The following ITGB4 variants were observed in gnomAD, a reference collection of about 807,000 sequenced individuals.
ITGB4 encodes integrin subunit beta 4.
ITGB4 carries 159 observed loss-of-function variants against 207.6 expected under a neutral mutation model. That is an observed-to-expected ratio of 0.77 (90% CI 0.67 to 0.87). The LOEUF (loss-of-function observed/expected upper bound fraction) is 0.87, where lower values mean the gene tolerates loss of function less well. Ranked by LOEUF, ITGB4 falls within the 40% of genes least tolerant of loss-of-function variation. The pLI is 0.00. For missense variants in ITGB4, 2,278 were observed against 2,546.8 expected, an observed-to-expected ratio of 0.89 and a Z score of 2.27; for synonymous variants, 1,020 against 1,062.7, an observed-to-expected ratio of 0.96 and a Z score of 0.78.
intron 27 of ITGB4, 144 bp from the exon 28 acceptor site, chr17:75,749,967 C>A: frequency 9.7e-7 from 1 of 1,029,444 alleles, no homozygotes; most frequent in East Asian, 2.4e-5. Flanking sequence ...CAATGGGGCA[C>A]CACCAGGTCT....
At position 75,742,459 on chromosome 17, in the gene ITGB4, C is replaced by T; in HGVS notation, c.2752C>T (p.Pro918Ser). The change falls in exon 24 of 40, where the codon CCC (proline) becomes TCC (serine). Residue 918 changes from proline (P) to serine (S), a missense_variant. Physicochemically the swap from Pro to Ser is moderately conservative, Grantham distance 74. Coordinates refer to ENST00000200181, the MANE Select transcript of ITGB4 (RefSeq NM_000213.5). The surrounding 1 kb of genome is among the most constrained non-coding windows in gnomAD (Gnocchi z 5.9). ...GGCCTTCCACGACCTCAAGGTGGCCCCCGGCTACTACACCCTCACTGCAGA... is the reference window on the plus strand; with the variant it reads ...GGCCTTCCACGACCTCAAGGTGGCCTCCGGCTACTACACCCTCACTGCAGA... The part of the protein sequence containing the change: ...QRAFHDLKVA[P>S]GYYTLTADQD... The T allele has an allele frequency of 6.2e-7, 1 of 1,613,090 alleles. No individual in the cohort carries two copies. The highest frequency in any genetic ancestry group is 2.2e-5 in the East Asian group (1 of 44,854).
rs960020204 is a variant in ITGB4 at position 75,722,746 on chromosome 17, G to A, written c.-11+1134G>A. ...AGGGGAGCTCTGAGCCTGTGGGTGG[G>A]TGGGCATGGCCTGTGTGTGTGTGTG... On this transcript the variant is annotated intron_variant, in intron 1 of 39. Coordinates refer to ENST00000200181, the MANE Select transcript of ITGB4 (RefSeq NM_000213.5). This position sits in a 1 kb window ranked among gnomAD's most constrained non-coding sequence, Gnocchi z 6.2. Among the ~76,000 whole-genome samples the A allele has an allele frequency of 5.5e-5, 8 of 144,604 alleles. No individual in the cohort carries two copies. The highest frequency in any genetic ancestry group is 1.1e-4 in the Non-Finnish European group (7 of 66,044). The allele number at this position is 144,604 out of a possible 152,430, so 94.9% of individuals were successfully genotyped here. A position where few individuals can be genotyped will look rare whatever the true frequency, so the allele number is the denominator to read the frequency against.
At chr17:75,754,504 A>G in intron 33 of ITGB4, 72 bp from the exon 34 acceptor site, 1 of 1,599,192 alleles carries the variant, frequency 6.3e-7, no homozygotes, top group Non-Finnish European at 8.5e-7. Context: ...AGGAATGTGC[A>G]GGGCCCAGCC....
At chr17:75,741,084 C>T (rs1297908333) in intron 23 of ITGB4, 79 bp downstream of exon 23, 2 of 1,494,802 alleles carry the variant, frequency 1.3e-6, no homozygotes, top group African/African-American at 2.8e-5. Context: ...CTCGTCCGTC[C>T]CTACTCCATC....
At position 75,748,405 on chromosome 17, in the gene ITGB4, C is replaced by T. The variant is rs144105370; in HGVS notation, c.3112-436C>T. Among the ~76,000 whole-genome samples the T allele has an allele frequency of 1.6e-3, 236 of 150,876 alleles. 2 individuals carry two copies. Among genetic ancestry groups the T allele is most frequent in the African/African-American group, 5.6e-3 (230 of 40,996 alleles). ...AGAAACGTGGCTGGGCATGGTGGCT[C>T]ATGTCTGTAATCCCAGCACTTTGGG... On this transcript the variant is annotated intron_variant, in intron 26 of 39. Transcript: ENST00000200181.
rs1256806056 is a variant in ITGB4, at chr17:75,740,879, G to A, written c.2609+28G>A. The A allele has an allele frequency of 6.2e-7, 1 of 1,613,440 alleles. No homozygotes were observed. The highest frequency in any genetic ancestry group is 8.5e-7 in the Non-Finnish European group (1 of 1,179,860). On this transcript the variant is annotated intron_variant, in intron 22 of 39. Transcript: ENST00000200181. The surrounding 1 kb of genome is among the most constrained non-coding windows in gnomAD (Gnocchi z 5.9). Reference sequence around the variant, plus strand: ...GAGTCCCGGGGTGCCCGGGTTGGGTGGGGGAGCCGCTCCTACCGGGACTCC... The same window carrying A: ...GAGTCCCGGGGTGCCCGGGTTGGGTAGGGGAGCCGCTCCTACCGGGACTCC...
At chr17:75,748,353 C>T (rs1258551095) in intron 26 of ITGB4, among the ~76,000 whole-genome samples, 1 of 145,484 alleles carries the variant, frequency 6.9e-6, no homozygotes, top group African/African-American at 2.6e-5. Flanking sequence ...CAGAGTGAGA[C>T]CCTGTCTCAA....
chr17:75,724,760 C>T lies in ITGB4; in HGVS notation c.57C>T (p.Ser19=), dbSNP rs145773550. ...WARLLLAALI[S]VSLSGTLANR... ...GGCTGCTCCTGGCAGCCTTGATCAG[C>T]GTCAGCCTCTCTGGGACCTTGGGTG... The change falls in exon 2 of 40, where the codon AGC becomes AGT. Residue 19 remains serine (S), a synonymous_variant. Coordinates refer to ENST00000200181, the MANE Select transcript of ITGB4 (RefSeq NM_000213.5). The T allele has an allele frequency of 6.4e-5, 103 of 1,613,718 alleles. No homozygotes were observed. The African/African-American group carries it at 8.7e-4, about 14-fold the overall frequency.
At chr17:75,754,514 C>T (rs1010565124) in intron 33 of ITGB4, 62 bp from the exon 34 acceptor site, 1 of 1,608,660 alleles carries the variant, frequency 6.2e-7, no homozygotes, top group Non-Finnish European at 8.5e-7. Flanking sequence ...AGGGCCCAGC[C>T]TGCCCCACGG....
At chr17:75,744,593 C>A (rs2061194090) in intron 26 of ITGB4, among the ~76,000 whole-genome samples, 1 of 152,176 alleles carries the variant, frequency 6.6e-6, no homozygotes, top group Non-Finnish European at 1.5e-5. Context: ...CCCATGTCCC[C>A]AGGCCAGACT....
Position 75,729,487 on chromosome 17 carries a change from G to T in ITGB4, c.738+51G>T, listed in dbSNP as rs2060804936. 2 of 1,589,966 alleles carry T rather than the reference G, an allele frequency of 1.3e-6. No homozygotes were observed. Among genetic ancestry groups the T allele is most frequent in the African/African-American group, 1.3e-5 (1 of 74,526 alleles). On this transcript the variant is annotated intron_variant, in intron 7 of 39. Coordinates refer to ENST00000200181, the MANE Select transcript of ITGB4 (RefSeq NM_000213.5). This position sits in a 1 kb window ranked among gnomAD's most constrained non-coding sequence, Gnocchi z 4.4. ...GCCTAGGCCAGGGGTGAGCACTTCT[G>T]GGCAAGGGCCTGAGCTGCCCCCTGG...
At position 75,739,609 on chromosome 17, in the gene ITGB4, G is replaced by A. The variant is rs1013545843; in HGVS notation, c.2221-63G>A. On this transcript the variant is annotated intron_variant, in intron 18 of 39. Transcript: ENST00000200181. The surrounding 1 kb of genome is among the most constrained non-coding windows in gnomAD (Gnocchi z 5.4). ...CCATTGGCATGGGGCGGGGTGGCTGGAAGGGCTTACCTGGGCCAGGGCAGC... is the reference window on the plus strand; with the variant it reads ...CCATTGGCATGGGGCGGGGTGGCTGAAAGGGCTTACCTGGGCCAGGGCAGC... The A allele has an allele frequency of 1.2e-6, 2 of 1,600,840 alleles. No individual in the cohort carries two copies. The highest frequency in any genetic ancestry group is 1.3e-5 in the African/African-American group (1 of 74,724).
At position 75,744,115 on chromosome 17, in the gene ITGB4, CT is replaced by C. The variant is rs759492811; in HGVS notation, c.3111+276del. Among the ~76,000 whole-genome samples the C allele has an allele frequency of 0.081, 9,007 of 110,888 alleles. 241 individuals are homozygous for C. Among genetic ancestry groups the C allele is most frequent in the Non-Finnish European group, 0.095 (5,236 of 55,164 alleles). The allele number at this position is 110,888 out of a possible 152,430, so 72.7% of individuals were successfully genotyped here. On this transcript the variant is annotated intron_variant, in intron 26 of 39. Transcript: ENST00000200181. ...GGGACTCAGGCCAAGAGGGCTCGCT[CT>C]TTTTTTTTTTTTTTTTTTTTTGAGA...
intron 32 of ITGB4, among the ~76,000 whole-genome samples, chr17:75,753,492 C>G (rs1466557505): frequency 6.6e-6 from 1 of 152,216 alleles, no homozygotes; most frequent in Non-Finnish European, 1.5e-5. Context: ...CCCAGACTTC[C>G]CCCAGGTTTC....
rs1204891400 is a variant in ITGB4, at chr17:75,733,640, C to T, written c.1605C>T (p.Phe535=). 2.5e-6 allele frequency: 4 copies of T among 1,614,228 alleles called. No homozygotes were observed. In the South Asian group the frequency reaches 3.3e-5, roughly 13 times the overall value. ...GCGAAGGCCGCTACGAGGGTCAGTT[C>T]TGCGAGTATGACAACTTCCAGTGTC... ...CYGEGRYEGQ[F]CEYDNFQCPR... is the part of the protein sequence containing the mutation. The change falls in exon 13 of 40, where the codon TTC becomes TTT. Residue 535 remains phenylalanine (F), a synonymous_variant. Coordinates refer to ENST00000200181, the MANE Select transcript of ITGB4 (RefSeq NM_000213.5).
At chr17:75,755,916 T>A (rs1436228645) in intron 35 of ITGB4, 66 bp downstream of exon 35, 2 of 1,547,468 alleles carry the variant, frequency 1.3e-6, no homozygotes, top group Non-Finnish European at 1.7e-6. Flanking sequence ...GTGTGACACA[T>A]AGGGTACCTC....
rs757196369 is a variant in ITGB4, at chr17:75,742,912, G to C, written c.2962+151G>C. On this transcript the variant is annotated intron_variant, in intron 25 of 39. Coordinates refer to ENST00000200181, the MANE Select transcript of ITGB4 (RefSeq NM_000213.5). The surrounding 1 kb of genome is among the most constrained non-coding windows in gnomAD (Gnocchi z 5.9). ...GTTTCTCCATCTGTAAAATGGGTAA[G>C]GGCTCTTTTACGGAATGCGTGGCTG... 35 of 757,504 alleles carry C rather than the reference G, an allele frequency of 4.6e-5. No individual in the cohort carries two copies. Among genetic ancestry groups the C allele is most frequent in the Admixed American group, 1.0e-4 (4 of 39,016 alleles). The allele number at this position is 757,504 out of a possible 1,614,324, so 46.9% of individuals were successfully genotyped here. A position where few individuals can be genotyped will look rare whatever the true frequency, so the allele number is the denominator to read the frequency against.
chr17:75,735,978 C>T (rs2060965664), intron 13 of ITGB4, 73 bp from the exon 14 acceptor site: 5 of 1,435,806 alleles, frequency 3.5e-6, no homozygotes, highest in Non-Finnish European at 4.9e-6. Context: ...CACAGGCCCT[C>T]CCTGCCAGGT....
chr17:75,729,658 A>G lies in ITGB4; in HGVS notation c.738+222A>G, dbSNP rs1469380954. On this transcript the variant is annotated intron_variant, in intron 7 of 39. Transcript: ENST00000200181. This position sits in a 1 kb window ranked among gnomAD's most constrained non-coding sequence, Gnocchi z 4.4. ...CCTGGAGCCACGGTCCCCTGGCCTG[A>G]GCAGTCACAGCCTGGTTTCGTATCA... Among the ~76,000 whole-genome samples the G allele has an allele frequency of 1.3e-5, 2 of 152,182 alleles. No individual in the cohort carries two copies. The highest frequency in any genetic ancestry group is 2.9e-5 in the Non-Finnish European group (2 of 68,024).
Sources: allele counts gnomAD v4.1 joint callset (sites outside exome capture counted in the v4.1 genomes callset), GRCh38; gene constraint gnomAD v4.1.1; non-coding constraint Gnocchi (gnomAD v3.1); transcripts MANE v1.5; gene names NCBI Gene and HGNC (gene_info 2026-07-23, HGNC 2026-07-21).